The following ADGRV1 variants were observed in gnomAD, a reference collection of about 807,000 sequenced individuals.
ADGRV1 encodes the protein adhesion G protein-coupled receptor V1, also known as G-protein coupled receptor 98.
In ADGRV1, 359 loss-of-function variants were observed where a neutral mutation model predicts 596.2. The observed-to-expected ratio is 0.60, with a 90% CI of 0.55 to 0.66. The LOEUF is 0.66. Ranked by LOEUF, ADGRV1 falls within the 30% of genes least tolerant of loss-of-function variation. The pLI is 0.00. For synonymous variants in ADGRV1, 2,681 were observed against 2,679.2 expected, an observed-to-expected ratio of 1.00 and a Z score of -0.02; for missense variants, 7,274 against 7,575.6, an observed-to-expected ratio of 0.96 and a Z score of 1.48.
intron 85 of ADGRV1, among the ~76,000 whole-genome samples, chr5:91,006,201 C>G (rs1487786827): frequency 6.6e-6 from 1 of 152,102 alleles, no homozygotes; most frequent in Non-Finnish European, 1.5e-5. Context: ...TTTTATACTA[C>G]ACAAGTTATA....
At chr5:90,638,908 A>C (rs1195774667) in intron 11 of ADGRV1, among the ~76,000 whole-genome samples, 2 of 152,154 alleles carry the variant, frequency 1.3e-5, no homozygotes, top group Non-Finnish European at 2.9e-5. Context: ...TTTTATGTGA[A>C]AGAAAAGTAT....
intron 86 of ADGRV1, among the ~76,000 whole-genome samples, chr5:91,087,463 A>ATTT (rs556983309): frequency 3.4e-4 from 49 of 143,520 alleles, no homozygotes; most frequent in African/African-American, 6.6e-4. Flanking sequence ...TGCCCGGCTA[A>ATTT]TTTTTTTTTT....
intron 59 of ADGRV1, among the ~76,000 whole-genome samples, chr5:90,765,490 T>C (rs1049049655): frequency 2.0e-5 from 3 of 147,294 alleles, no homozygotes; most frequent in African/African-American, 7.6e-5. Flanking sequence ...ATATCTGAAA[T>C]CAAATTTTTT....
chr5:90,780,039 C>A (rs1758672585), intron 64 of ADGRV1: 1 of 152,118 alleles, frequency 6.6e-6, no homozygotes, highest in African/African-American at 2.4e-5. Context: ...AATTTGTACT[C>A]CTAGTAAATA....
At chr5:90,620,862 T>G (rs1763974468) in intron 4 of ADGRV1, among the ~76,000 whole-genome samples, 1 of 152,200 alleles carries the variant, frequency 6.6e-6, no homozygotes. Flanking sequence ...TTAAATTGAA[T>G]AGCAGGTATT....
At chr5:90,733,483 G>A (rs1289198053) in intron 50 of ADGRV1, among the ~76,000 whole-genome samples, 1 of 152,108 alleles carries the variant, frequency 6.6e-6, no homozygotes, top group Non-Finnish European at 1.5e-5. Context: ...TATTGATTGC[G>A]AAGACTAGAA....
intron 76 of ADGRV1, among the ~76,000 whole-genome samples, chr5:90,824,230 G>A (rs1397707652): frequency 6.6e-6 from 1 of 152,104 alleles, no homozygotes; most frequent in African/African-American, 2.4e-5. Context: ...TATTAAGCTG[G>A]TCTTTTGTCT....
chr5:91,032,454 G>A (rs1291266397), intron 85 of ADGRV1, among the ~76,000 whole-genome samples: 1 of 152,068 alleles, frequency 6.6e-6, no homozygotes, highest in Non-Finnish European at 1.5e-5. Flanking sequence ...ATTTAGAGTC[G>A]TCTATCTCTG....
chr5:90,995,244 A>G (rs1410251369), intron 85 of ADGRV1, among the ~76,000 whole-genome samples: 1 of 152,182 alleles, frequency 6.6e-6, no homozygotes. Flanking sequence ...TCCTTACCCT[A>G]TACCCAAGGA....
At chr5:90,607,032 A>C (rs1308657004) in intron 1 of ADGRV1, among the ~76,000 whole-genome samples, 2 of 151,906 alleles carry the variant, frequency 1.3e-5, no homozygotes, top group Non-Finnish European at 2.9e-5. Flanking sequence ...TAGAATTTTA[A>C]CTATTACCTT....
At chr5:91,031,714 AT>A (rs1382041458) in intron 85 of ADGRV1, among the ~76,000 whole-genome samples, 4 of 152,156 alleles carry the variant, frequency 2.6e-5, no homozygotes, top group African/African-American at 9.7e-5. Flanking sequence ...CCTTCTTCTT[AT>A]GATCAATAAT....
At chr5:90,665,675 T>C (rs1771220352) in intron 21 of ADGRV1, among the ~76,000 whole-genome samples, 1 of 149,544 alleles carries the variant, frequency 6.7e-6, no homozygotes, top group Admixed American at 6.7e-5. Flanking sequence ...GTGTTTGCTC[T>C]TGCTTTTCTA....
intron 70 of ADGRV1, among the ~76,000 whole-genome samples, chr5:90,795,109 T>TC (rs1554119156): frequency 3.6e-4 from 54 of 148,016 alleles, no homozygotes; most frequent in African/African-American, 1.3e-3. Context: ...TTTTTTTTTT[T>TC]CCCTTACCTC....
intron 83 of ADGRV1, among the ~76,000 whole-genome samples, chr5:90,918,155 T>C (rs1773551161): frequency 6.6e-6 from 1 of 151,844 alleles, no homozygotes; most frequent in Non-Finnish European, 1.5e-5. Context: ...CAGTTTAGAG[T>C]GCTGGATCAG....
chr5:90,920,013 AAAG>A (rs1268943251), intron 83 of ADGRV1, among the ~76,000 whole-genome samples: 10 of 151,948 alleles, frequency 6.6e-5, no homozygotes, highest in Admixed American at 3.3e-4. Flanking sequence ...AAAAAAAAAA[AAAG>A]AAAAATATTT....
At chr5:90,702,688 A>G (rs751029421) in intron 34 of ADGRV1, among the ~76,000 whole-genome samples, 2 of 151,990 alleles carry the variant, frequency 1.3e-5, no homozygotes, top group Non-Finnish European at 2.9e-5. Flanking sequence ...TATTACTTAT[A>G]TACACAAAAG....
chr5:90,582,065 A>G (rs1758132832), intron 1 of ADGRV1, among the ~76,000 whole-genome samples: 1 of 145,890 alleles, frequency 6.9e-6, no homozygotes, highest in Non-Finnish European at 1.5e-5. Context: ...ATATGATTTC[A>G]GTTGTTTTTT....
At chr5:90,759,730 C>T (rs1019775916) in intron 58 of ADGRV1, 142 bp downstream of exon 58, 3 of 699,412 alleles carry the variant, frequency 4.3e-6, no homozygotes, top group Admixed American at 2.1e-5. Flanking sequence ...CTTTGGGAGG[C>T]CGCAGCGGGC....
At chr5:90,644,078 G>A (rs1426540586) in intron 14 of ADGRV1, 95 bp downstream of exon 14, 6 of 879,106 alleles carry the variant, frequency 6.8e-6, no homozygotes, top group Non-Finnish European at 1.0e-5. Flanking sequence ...ATTTCTAGTT[G>A]CTCACCCTGC....
Sources: allele counts gnomAD v4.1 joint callset (sites outside exome capture counted in the v4.1 genomes callset), GRCh38; gene constraint gnomAD v4.1.1; transcripts MANE v1.5; gene names NCBI Gene and HGNC (gene_info 2026-07-23, HGNC 2026-07-21).